ZNF891: variants seen among roughly 807,000 people sequenced by gnomAD.
ZNF891 encodes zinc finger protein 891.
For missense variants in ZNF891, 589 were observed against 632.7 expected (o/e 0.93, Z 0.74); for synonymous variants, 199 against 209.0 (o/e 0.95, Z 0.41).
In ZNF891 at chr12:133,106,280, A is replaced by G. The variant is rs142419506; in HGVS notation, c.*14004T>C. ...AACCCCGTATGAATGTAATGAATGT[A>G]GGAAAGCTTTCCGTTGTCACTCATT... On this transcript the variant is annotated 3_prime_UTR_variant, in exon 2 of 2. Coordinates refer to ENST00000537226, the MANE Select transcript of ZNF891 (RefSeq NM_001277291.2). The G allele has an allele frequency of 5.6e-5, 90 of 1,614,204 alleles. No homozygotes were observed. In the African/African-American group the frequency reaches 1.2e-3, roughly 21 times the overall value.
At chr12:133,127,603 T>C (rs570407036) in intron 1 of ZNF891, among the ~76,000 whole-genome samples, 2 of 152,344 alleles carry the variant, frequency 1.3e-5, no homozygotes, top group East Asian at 1.9e-4. Flanking sequence ...TATATGTAGA[T>C]CATATGGACC....
chr12:133,106,503 G>A lies in ZNF891; in HGVS notation c.*13781C>T, dbSNP rs747901476. 1 of 1,613,998 alleles carries A rather than the reference G, an allele frequency of 6.2e-7. No homozygotes were observed. Among genetic ancestry groups the A allele is most frequent in the Admixed American group, 1.7e-5 (1 of 60,014 alleles). The stretch of plus-strand genomic sequence containing the variant: ...ATTCTACATCAGAGAACTCATACTG[G>A]AGAGAAACCCTATGTATGTAAGGTA... On this transcript the variant is annotated 3_prime_UTR_variant, in exon 2 of 2. Coordinates refer to ENST00000537226, the MANE Select transcript of ZNF891 (RefSeq NM_001277291.2).
intron 1 of ZNF891, among the ~76,000 whole-genome samples, chr12:133,127,408 T>G (rs1247333164): frequency 6.6e-6 from 1 of 152,126 alleles, no homozygotes. Flanking sequence ...AGATTACACA[T>G]AAAAGAACAA....
chr12:133,125,794 G>T lies in ZNF891; in HGVS notation c.-106-3770C>A, dbSNP rs1382141250. The stretch of plus-strand genomic sequence containing the variant: ...GGATCTTAAAGCCAACAAGCACCAG[G>T]TCAACATGCCCTCCTCACAGGCTTG... On this transcript the variant is annotated intron_variant, in intron 1 of 1. Transcript: ENST00000537226. 3 of 484,130 alleles carry T rather than the reference G, an allele frequency of 6.2e-6. No individual in the cohort carries two copies. In the East Asian group the frequency reaches 1.7e-4, roughly 27 times the overall value. 30.0% of individuals were successfully genotyped at this position (484,130 alleles called of 1,614,324 possible). A position where few individuals can be genotyped will look rare whatever the true frequency, so the allele number is the denominator to read the frequency against.
chr12:133,126,298 C>G (rs1213571604), intron 1 of ZNF891, among the ~76,000 whole-genome samples: 2 of 151,852 alleles, frequency 1.3e-5, no homozygotes, highest in East Asian at 3.9e-4. Context: ...TACTGTGAAA[C>G]CCCATCTCTA....
In ZNF891 at chr12:133,106,472, T is replaced by TC; in HGVS notation, c.*13811dup. 3 of 1,614,052 alleles carry TC rather than the reference T, an allele frequency of 1.9e-6. No individual in the cohort carries two copies. Among genetic ancestry groups the TC allele is most frequent in the Non-Finnish European group, 2.5e-6 (3 of 1,179,988 alleles). The stretch of plus-strand genomic sequence containing the variant: ...TGATAAAGCCTTCAGCCGGAGCTTT[T>TC]CCCTCATTCTACATCAGAGAACTCA... On this transcript the variant is annotated 3_prime_UTR_variant, in exon 2 of 2. Transcript: ENST00000537226.
rs1388697076 is a variant in ZNF891 at position 133,114,381 on chromosome 12, C to G, written c.*5903G>C. 1.3e-5 allele frequency: 2 copies of G among 152,322 alleles called. No individual in the cohort carries two copies. Among genetic ancestry groups the G allele is most frequent in the African/African-American group, 4.8e-5 (2 of 41,446 alleles). The allele number at this position is 152,322 out of a possible 1,614,324, so 9.4% of individuals were successfully genotyped here. On this transcript the variant is annotated 3_prime_UTR_variant, in exon 2 of 2. Transcript: ENST00000537226. The stretch of plus-strand genomic sequence containing the variant: ...ATGTTACTCAGGCTGGTCTCAAACT[C>G]CTGGGCTCAAGCAATCCTCCCACGT...
chr12:133,107,965 TAA>T lies in ZNF891; in HGVS notation c.*12317_*12318del, dbSNP rs1300115225. 6.6e-6 allele frequency: 1 copy of T among 152,226 alleles called. No homozygotes were observed. Among genetic ancestry groups the T allele is most frequent in the Non-Finnish European group, 1.5e-5 (1 of 68,030 alleles). 9.4% of individuals were successfully genotyped at this position (152,226 alleles called of 1,614,324 possible). On this transcript the variant is annotated 3_prime_UTR_variant, in exon 2 of 2. Transcript: ENST00000537226. ...GTAATTTTGTAAGAGGTGAAATTTA[TAA>T]AAGTTTTAGCCCAAAAACACCTTAT...
chr12:133,105,603 G>C lies in ZNF891; in HGVS notation c.*14681C>G. ...TATTTGATCATGGAAAGAATTCTAA[G>C]TCAAGGCCCTGTGTATTCCAGTTTT... On this transcript the variant is annotated 3_prime_UTR_variant, in exon 2 of 2. Coordinates refer to ENST00000537226, the MANE Select transcript of ZNF891 (RefSeq NM_001277291.2). 1.2e-6 allele frequency: 2 copies of C among 1,614,102 alleles called. No homozygotes were observed. Among genetic ancestry groups the C allele is most frequent in the Non-Finnish European group, 1.7e-6 (2 of 1,180,020 alleles).
rs1278864678 is a variant in ZNF891, at chr12:133,119,228, A to AC, written c.*1055_*1056insG. ...GAGACTCTGTCTGAAAAATTGAAAA[A>AC]AAAAAAGAAAAAATCAATTAACATA... On this transcript the variant is annotated 3_prime_UTR_variant, in exon 2 of 2. Coordinates refer to ENST00000537226, the MANE Select transcript of ZNF891 (RefSeq NM_001277291.2). 6.6e-6 allele frequency: 1 copy of AC among 151,944 alleles called. No individual in the cohort carries two copies. The highest frequency in any genetic ancestry group is 1.9e-4 in the East Asian group (1 of 5,178). The allele number at this position is 151,944 out of a possible 1,614,324, so 9.4% of individuals were successfully genotyped here.
In ZNF891 at chr12:133,111,105, G is replaced by A. The variant is rs1474163870; in HGVS notation, c.*9179C>T. ...ATGATTGATTTGGAAGAAAGAGTCT[G>A]AGTCCTTAGCAACTCATTCAAAAAG... On this transcript the variant is annotated 3_prime_UTR_variant, in exon 2 of 2. Transcript: ENST00000537226. 1 of 152,190 alleles carries A rather than the reference G, an allele frequency of 6.6e-6. No individual in the cohort carries two copies. Among genetic ancestry groups the A allele is most frequent in the Non-Finnish European group, 1.5e-5 (1 of 68,050 alleles). 9.4% of individuals were successfully genotyped at this position (152,190 alleles called of 1,614,324 possible).
chr12:133,129,647 C>T (rs1955855265), intron 1 of ZNF891, among the ~76,000 whole-genome samples: 2 of 151,960 alleles, frequency 1.3e-5, no homozygotes, highest in Admixed American at 6.5e-5. Flanking sequence ...ACTGTGCTGT[C>T]CAAATTATTC....
Position 133,105,874 on chromosome 12 carries a change from C to T in ZNF891, c.*14410G>A, listed in dbSNP as rs1955572532. 6.2e-7 allele frequency: 1 copy of T among 1,614,008 alleles called. No individual in the cohort carries two copies. Among genetic ancestry groups the T allele is most frequent in the African/African-American group, 1.3e-5 (1 of 74,898 alleles). Reference sequence around the variant, plus strand: ...GTAAGGAATGTGGCAAAACCTTTAGCCAGATTTCAAACCTTGTGAAACACC... The same window carrying T: ...GTAAGGAATGTGGCAAAACCTTTAGTCAGATTTCAAACCTTGTGAAACACC... On this transcript the variant is annotated 3_prime_UTR_variant, in exon 2 of 2. Coordinates refer to ENST00000537226, the MANE Select transcript of ZNF891 (RefSeq NM_001277291.2).
At chr12:133,125,583 CAA>C in intron 1 of ZNF891, 2 of 216,894 alleles carry the variant, frequency 9.2e-6, no homozygotes, top group South Asian at 6.9e-5. Flanking sequence ...TTCACAGCAA[CAA>C]AAAAAAAGAA....
chr12:133,121,641 G>A lies in ZNF891; in HGVS notation c.278C>T (p.Ser93Phe), dbSNP rs1361225675. 4.6e-6 allele frequency: 7 copies of A among 1,536,388 alleles called. No homozygotes were observed. In the South Asian group the frequency reaches 7.1e-5, roughly 16 times the overall value. Residue 93 changes from serine (S) to phenylalanine (F), a missense_variant, in exon 2 of 2, where the codon TCC becomes TTC. Ser to Phe is a radical substitution (Grantham distance 155). Coordinates refer to ENST00000537226, the MANE Select transcript of ZNF891 (RefSeq NM_001277291.2). ...CCTTATCTCTTCTTGATCCAATGGG[G>A]AGATCACAGTAAGCCTGTACAACTG... ...EYQLYRLTVI[S>F]PLDQEEIRNM...
In ZNF891 at chr12:133,115,881, C is replaced by T. The variant is rs532999091; in HGVS notation, c.*4403G>A. On this transcript the variant is annotated 3_prime_UTR_variant, in exon 2 of 2. Coordinates refer to ENST00000537226, the MANE Select transcript of ZNF891 (RefSeq NM_001277291.2). ...AGTTGAGCATCACAAATCTGAAAAT[C>T]CAAAATTTTAAATGCTCCAATGAGC... 1 of 152,102 alleles carries T rather than the reference C, an allele frequency of 6.6e-6. No homozygotes were observed. Among genetic ancestry groups the T allele is most frequent in the African/African-American group, 2.4e-5 (1 of 41,414 alleles). The allele number at this position is 152,102 out of a possible 1,614,324, so 9.4% of individuals were successfully genotyped here. A position where few individuals can be genotyped will look rare whatever the true frequency, so the allele number is the denominator to read the frequency against.
rs1199730950 is a variant in ZNF891, at chr12:133,107,218, C to T, written c.*13066G>A. On this transcript the variant is annotated 3_prime_UTR_variant, in exon 2 of 2. Coordinates refer to ENST00000537226, the MANE Select transcript of ZNF891 (RefSeq NM_001277291.2). Reference sequence around the variant, plus strand: ...AACTGTATAAATGAATGTAGAGTGACTTTCTGCAATATTTCAAACCTATAT... The same window carrying T: ...AACTGTATAAATGAATGTAGAGTGATTTTCTGCAATATTTCAAACCTATAT... 1 of 152,216 alleles carries T rather than the reference C, an allele frequency of 6.6e-6. No individual in the cohort carries two copies. Among genetic ancestry groups the T allele is most frequent in the Non-Finnish European group, 1.5e-5 (1 of 68,066 alleles). The allele number at this position is 152,216 out of a possible 1,614,324, so 9.4% of individuals were successfully genotyped here.
intron 1 of ZNF891, among the ~76,000 whole-genome samples, chr12:133,127,697 G>T (rs1399976743): frequency 6.6e-6 from 1 of 152,210 alleles, no homozygotes; most frequent in Non-Finnish European, 1.5e-5. Flanking sequence ...ACACAGAGGT[G>T]AGATGAGGAA....
In ZNF891 at chr12:133,106,552, C is replaced by G; in HGVS notation, c.*13732G>C. 1.2e-6 allele frequency: 2 copies of G among 1,613,932 alleles called. No individual in the cohort carries two copies. The highest frequency in any genetic ancestry group is 8.5e-7 in the Non-Finnish European group (1 of 1,179,994). ...TATGCAACAAATCCTTCAGCTGGAG[C>G]TCAAACCTTGCTAAACATCAGAGGA... On this transcript the variant is annotated 3_prime_UTR_variant, in exon 2 of 2. Coordinates refer to ENST00000537226, the MANE Select transcript of ZNF891 (RefSeq NM_001277291.2).
Sources: gnomAD v4.1 joint callset for allele counts (sites outside exome capture counted in the v4.1 genomes callset) on GRCh38, gnomAD v4.1.1 for gene constraint, MANE v1.5 for transcripts, NCBI Gene and HGNC (gene_info 2026-07-23, HGNC 2026-07-21) for gene names.